DNAH1: variants seen among roughly 807,000 people sequenced by gnomAD.
DNAH1 encodes dynein axonemal heavy chain 1.
DNAH1 carries 327 observed loss-of-function variants against 484.3 expected under a neutral mutation model. The observed-to-expected ratio is 0.68, with a 90% CI of 0.62 to 0.74. The LOEUF (loss-of-function observed/expected upper bound fraction) is 0.74. Among genes scored for constraint, DNAH1 ranks in the 30% least tolerant of loss-of-function variants. The pLI, the probability that DNAH1 is intolerant of heterozygous loss-of-function variation, is 0.00. For missense variants in DNAH1, 5,052 were observed against 5,546.8 expected, an observed-to-expected ratio of 0.91 and a Z score of 2.83; for synonymous variants, 2,192 against 2,191.9, an observed-to-expected ratio of 1.00 and a Z score of 0.00.
At chr3:52,363,714 T>A (rs1205471624) in intron 32 of DNAH1, among the ~76,000 whole-genome samples, 2 of 152,210 alleles carry the variant, frequency 1.3e-5, no homozygotes, top group Admixed American at 6.5e-5. Flanking sequence ...TTAGTTTGTC[T>A]TCCATCATGA....
At position 52,359,987 on chromosome 3, in the gene DNAH1, C is replaced by T. The variant is rs781400506; in HGVS notation, c.4479C>T (p.Ile1493=). ...RMQRAVLSAL[I]VIEVHAKDVV... is the part of the protein sequence containing the mutation. ...AGCGGGCAGTGCTGTCAGCGCTAATCGTCATTGAGGTCCATGCCAAGGACG... is the reference window on the plus strand; with the variant it reads ...AGCGGGCAGTGCTGTCAGCGCTAATTGTCATTGAGGTCCATGCCAAGGACG... Residue 1493 remains isoleucine, a synonymous_variant, in exon 27 of 78, where the codon ATC becomes ATT. Coordinates refer to ENST00000420323, the MANE Select transcript of DNAH1 (RefSeq NM_015512.5). The T allele has an allele frequency of 5.6e-6, 9 of 1,613,928 alleles. No individual in the cohort carries two copies. Among genetic ancestry groups the T allele is most frequent in the East Asian group, 2.2e-5 (1 of 44,888 alleles).
At chr3:52,348,405 A>G (rs1240754027) in intron 12 of DNAH1, among the ~76,000 whole-genome samples, 1 of 152,132 alleles carries the variant, frequency 6.6e-6, no homozygotes, top group Non-Finnish European at 1.5e-5. Context: ...CTTCATCTCC[A>G]GAGGTGGACA....
chr3:52,326,026 G>A, intron 3 of DNAH1, 114 bp from the exon 4 acceptor site: 2 of 1,106,614 alleles, frequency 1.8e-6, no homozygotes, highest in South Asian at 2.1e-5. Flanking sequence ...CAAGCTTTGA[G>A]CTTCCCACAC....
Position 52,360,321 on chromosome 3 carries a change from A to G in DNAH1, c.4582A>G (p.Thr1528Ala). ...QWISQLRYYWTNNDLYIRAVN... is the reference protein window; with the variant it reads ...QWISQLRYYWANNDLYIRAVN... The stretch of plus-strand genomic sequence containing the variant: ...TCCCTGCACCGCCAGGTACTACTGG[A>G]CAAATAATGACCTGTATATCCGTGC... Residue 1528 changes from threonine (T) to alanine (A), a missense_variant, in exon 28 of 78, where the codon ACA becomes GCA. Thr to Ala is a moderately conservative substitution (Grantham distance 58). Transcript: ENST00000420323. 6.2e-7 allele frequency: 1 copy of G among 1,613,602 alleles called. No homozygotes were observed. The highest frequency in any genetic ancestry group is 8.5e-7 in the Non-Finnish European group (1 of 1,179,618).
At chr3:52,350,327 T>C (rs1702323252) in intron 15 of DNAH1, among the ~76,000 whole-genome samples, 181 bp from the exon 16 acceptor site, 1 of 152,040 alleles carries the variant, frequency 6.6e-6, no homozygotes, top group African/African-American at 2.4e-5. Context: ...GTGGCAGCCA[T>C]GGCTCTAGGA....
rs770535452 is a variant in DNAH1, at chr3:52,388,801, T to C, written c.9364-5T>C. The C allele has an allele frequency of 1.9e-6, 3 of 1,613,086 alleles. No homozygotes were observed. In the South Asian group the frequency reaches 3.3e-5, roughly 18 times the overall value. ...AGAGCCCACCCCACGGGGCTGCCCC[T>C]CCAGCTCATCAACGGGCTGTCGGAT... On this transcript the variant is annotated splice_region_variant and splice_polypyrimidine_tract_variant and intron_variant, in intron 58 of 77. Coordinates refer to ENST00000420323, the MANE Select transcript of DNAH1 (RefSeq NM_015512.5).
At chr3:52,389,614 A>G in intron 60 of DNAH1, 28 bp downstream of exon 60, 2 of 1,409,500 alleles carry the variant, frequency 1.4e-6, no homozygotes, top group Non-Finnish European at 1.9e-6. Flanking sequence ...AGGAGTGCCC[A>G]GGCAGGGCCT....
At chr3:52,354,795 C>T (rs1395822722) in intron 20 of DNAH1, 48 bp from the exon 21 acceptor site, 2 of 1,584,328 alleles carry the variant, frequency 1.3e-6, no homozygotes, top group East Asian at 2.3e-5. Flanking sequence ...CAGACAGCAT[C>T]AGGACCAGCC....
In DNAH1 at chr3:52,334,945, G is replaced by A. The variant is rs1303020131; in HGVS notation, c.1286+2551G>A. Among the ~76,000 whole-genome samples the A allele has an allele frequency of 4.6e-5, 7 of 151,350 alleles. No homozygotes were observed. The East Asian group carries it at 9.7e-4, about 21-fold the overall frequency. On this transcript the variant is annotated intron_variant, in intron 8 of 77. Coordinates refer to ENST00000420323, the MANE Select transcript of DNAH1 (RefSeq NM_015512.5). Reference sequence around the variant, plus strand: ...CTCACTGCAAGATCCGCCCCCCGGCGCCCGCCACCATGCCCGGCTAATTTT... The same window carrying A: ...CTCACTGCAAGATCCGCCCCCCGGCACCCGCCACCATGCCCGGCTAATTTT...
At chr3:52,387,727 T>G (rs1414802102) in intron 56 of DNAH1, among the ~76,000 whole-genome samples, 2 of 152,196 alleles carry the variant, frequency 1.3e-5, no homozygotes, top group Admixed American at 6.5e-5. Flanking sequence ...GGGCCTATTA[T>G]GAACTACAGG....
chr3:52,399,078 T>C lies in DNAH1; in HGVS notation c.12318T>C (p.Asp4106=). 1 of 1,614,086 alleles carries C rather than the reference T, an allele frequency of 6.2e-7. No homozygotes were observed. Among genetic ancestry groups the C allele is most frequent in the Non-Finnish European group, 8.5e-7 (1 of 1,179,904 alleles). ...ACTTTCTGCAGGCCTGGATCCAAGA[T>C]GGCATCCCAGCTGTCTTCTGGATCA... The part of the protein sequence containing the change: ...RLDFLQAWIQ[D]GIPAVFWISG... The change falls in exon 76 of 78, where the codon GAT becomes GAC. Residue 4106 remains aspartate (D), a synonymous_variant. Coordinates refer to ENST00000420323, the MANE Select transcript of DNAH1 (RefSeq NM_015512.5).
At chr3:52,357,493 G>T (rs1324895788) in intron 22 of DNAH1, 121 bp from the exon 23 acceptor site, 2 of 1,317,848 alleles carry the variant, frequency 1.5e-6, no homozygotes, top group Non-Finnish European at 2.1e-6. Flanking sequence ...GAATTTTTCT[G>T]CATCTTCTTT....
At chr3:52,387,069 C>G (rs1328944498) in intron 56 of DNAH1, among the ~76,000 whole-genome samples, 1 of 152,220 alleles carries the variant, frequency 6.6e-6, no homozygotes, top group Admixed American at 6.5e-5. Context: ...AAGGGGTTCT[C>G]AGTCTGGTAG....
At position 52,366,828 on chromosome 3, in the gene DNAH1, C is replaced by T; in HGVS notation, c.5706C>T (p.Asn1902=). 6.2e-7 allele frequency: 1 copy of T among 1,613,928 alleles called. No individual in the cohort carries two copies. Among genetic ancestry groups the T allele is most frequent in the Non-Finnish European group, 8.5e-7 (1 of 1,179,840 alleles). The change falls in exon 36 of 78, where the codon AAC becomes AAT. Residue 1902 remains asparagine, a synonymous_variant. Coordinates refer to ENST00000420323, the MANE Select transcript of DNAH1 (RefSeq NM_015512.5). Reference sequence around the variant, plus strand: ...AGGCTGTCAACTACTACGTGCTCAACCCCAAGTCCATCACGATGGGCCAGC... The same window carrying T: ...AGGCTGTCAACTACTACGTGCTCAATCCCAAGTCCATCACGATGGGCCAGC... ...MYEAVNYYVL[N]PKSITMGQLY...
At chr3:52,332,742 A>AG (rs1271059077) in intron 8 of DNAH1, among the ~76,000 whole-genome samples, 1 of 152,204 alleles carries the variant, frequency 6.6e-6, no homozygotes, top group Non-Finnish European at 1.5e-5. Flanking sequence ...CAAAACCCTT[A>AG]GATGATGATT....
rs377213436 is a variant in DNAH1 at position 52,381,826 on chromosome 3, G to A, written c.7795G>A (p.Ala2599Thr). 8.6e-5 allele frequency: 137 copies of A among 1,594,944 alleles called. No individual in the cohort carries two copies. The highest frequency in any genetic ancestry group is 1.1e-4 in the Non-Finnish European group (130 of 1,171,378). ...GSGRSSLTRL[A>T]SHMAEYECFQ... is the part of the protein sequence containing the mutation. ...CGGCCGCAGCTCCCTCACAAGGCTCGCCTCGCACATGTGAGCGCCTCCAGG... is the reference window on the plus strand; with the variant it reads ...CGGCCGCAGCTCCCTCACAAGGCTCACCTCGCACATGTGAGCGCCTCCAGG... The change falls in exon 49 of 78, where the codon GCC becomes ACC. Residue 2599 changes from alanine (A) to threonine (T), a missense_variant. By Grantham distance (58) the Ala-to-Thr change is moderately conservative (BLOSUM62 0). This residue lies in a region of DNAH1 where 2,929 missense variants were observed against 3,409.4 expected (regional missense o/e 0.86). Transcript: ENST00000420323. This position sits in a 1 kb window ranked among gnomAD's most constrained non-coding sequence, Gnocchi z 4.1.
rs565639428 is a variant in DNAH1, at chr3:52,331,218, G to A, written c.942G>A (p.Lys314=). 3 of 1,610,628 alleles carry A rather than the reference G, an allele frequency of 1.9e-6. No homozygotes were observed. Among genetic ancestry groups the A allele is most frequent in the Admixed American group, 1.7e-5 (1 of 59,522 alleles). ...EVGVLDYDEE[K]KLYLVHKTDE... Reference sequence around the variant, plus strand: ...GCGTCCTGGACTACGACGAGGAGAAGAAGCTATACCTGGTACACAAGACAG... The same window carrying A: ...GCGTCCTGGACTACGACGAGGAGAAAAAGCTATACCTGGTACACAAGACAG... Residue 314 remains lysine (K), a synonymous_variant, in exon 7 of 78, where the codon AAG becomes AAA. Coordinates refer to ENST00000420323, the MANE Select transcript of DNAH1 (RefSeq NM_015512.5).
chr3:52,386,299 C>T lies in DNAH1; in HGVS notation c.8765C>T (p.Ala2922Val), dbSNP rs182141515. The T allele has an allele frequency of 3.2e-3, 5,172 of 1,601,892 alleles. 10 individuals are homozygous for T. Among genetic ancestry groups the T allele is most frequent in the Non-Finnish European group, 4.0e-3 (4,668 of 1,174,614 alleles). ...GACGAGGCGTTGCCAGCCCTGGATG[C>T]GGCTCTGGCCAGCCTGCGCAACCTC... ...DLDEALPALD[A>V]ALASLRNLNK... The change falls in exon 55 of 78, where the codon GCG (alanine) becomes GTG (valine). Residue 2922 changes from alanine to valine, a missense_variant. Around this residue, in one of 4 missense-constraint regions of DNAH1, gnomAD observed 2,929 missense variants for 3,409.4 expected, o/e 0.86. Coordinates refer to ENST00000420323, the MANE Select transcript of DNAH1 (RefSeq NM_015512.5).
chr3:52,353,817 C>A lies in DNAH1; in HGVS notation c.3480+184C>A. 1.3e-6 allele frequency: 1 copy of A among 784,720 alleles called. No homozygotes were observed. The highest frequency in any genetic ancestry group is 2.0e-6 in the Non-Finnish European group (1 of 504,986). The allele number at this position is 784,720 out of a possible 1,614,324, so 48.6% of individuals were successfully genotyped here. A position where few individuals can be genotyped will look rare whatever the true frequency, so the allele number is the denominator to read the frequency against. On this transcript the variant is annotated intron_variant, in intron 20 of 77. Coordinates refer to ENST00000420323, the MANE Select transcript of DNAH1 (RefSeq NM_015512.5). This position sits in a 1 kb window ranked among gnomAD's most constrained non-coding sequence, Gnocchi z 5.0. ...TTAATAATGCACATAAAATTCTTGA[C>A]AGTGTCCACCATTGCTATTATTTTT...
Sources: allele counts gnomAD v4.1 joint callset (sites outside exome capture counted in the v4.1 genomes callset), GRCh38; gene constraint gnomAD v4.1.1; regional missense constraint gnomAD v4.1.1; non-coding constraint Gnocchi (gnomAD v3.1); transcripts MANE v1.5; gene names NCBI Gene and HGNC (gene_info 2026-07-23, HGNC 2026-07-21).